DYNC2I1: variants seen among roughly 807,000 people sequenced by gnomAD.
DYNC2I1 encodes dynein 2 intermediate chain 1.
DYNC2I1 carries 89 observed loss-of-function variants against 133.4 expected under a neutral mutation model. The observed-to-expected ratio is 0.67, with a 90% confidence interval of 0.56 to 0.80. The LOEUF is 0.80. Among genes scored for constraint, DYNC2I1 ranks in the 30% least tolerant of loss-of-function variants. DYNC2I1 has a pLI of 0.00. For synonymous variants in DYNC2I1, 504 were observed against 484.3 expected, an observed-to-expected ratio of 1.04 and a Z score of -0.54; for missense variants, 1,291 against 1,314.5, an observed-to-expected ratio of 0.98 and a Z score of 0.28.
rs377386379 is a variant in DYNC2I1 at position 158,941,978 on chromosome 7, G to C, written c.2832G>C (p.Pro944=). 1.9e-6 allele frequency: 3 copies of C among 1,612,786 alleles called. No individual in the cohort carries two copies. Among genetic ancestry groups the C allele is most frequent in the Admixed American group, 3.3e-5 (2 of 59,888 alleles). ...TGCACCAGCTGAGCTCCGCGTTTCC[G>C]CTCCTGCAGTGGGACAGCAGCACGG... is the stretch of plus-strand genomic sequence containing the variant. ...IRLHQLSSAF[P]LLQWDSSTDS... is the part of the protein sequence containing the mutation. The change falls in exon 24 of 25, where the codon CCG becomes CCC. Residue 944 remains proline (P), a synonymous_variant. Coordinates refer to ENST00000407559, the MANE Select transcript of DYNC2I1 (RefSeq NM_018051.5).
chr7:158,840,274 A>G, the DYNC2I1 span, among the ~76,000 whole-genome samples: 128 of 152,242 alleles, frequency 8.4e-4, no homozygotes, highest in African/African-American at 3.0e-3. Context: ...AAATTAAGAA[A>G]AAATGGTTTT....
intron 20 of DYNC2I1, among the ~76,000 whole-genome samples, chr7:158,929,219 T>A (rs753508450): frequency 1.3e-5 from 2 of 152,218 alleles, no homozygotes; most frequent in African/African-American, 4.8e-5. Flanking sequence ...TTGGATGAGT[T>A]GCTGTTGGAG....
chr7:158,884,106 G>T (rs1356422590), intron 5 of DYNC2I1, among the ~76,000 whole-genome samples: 1 of 147,976 alleles, frequency 6.8e-6, no homozygotes, highest in African/African-American at 2.5e-5. Context: ...GTGCAGTGGC[G>T]CAATCTCTGC....
chr7:158,867,436 G>A (rs57684181), intron 1 of DYNC2I1, among the ~76,000 whole-genome samples: 2,971 of 152,308 alleles, frequency 0.02, 94 homozygotes, highest in African/African-American at 0.067. Flanking sequence ...AAGGAGCTGT[G>A]GCTGCACTGG....
intron 8 of DYNC2I1, among the ~76,000 whole-genome samples, chr7:158,895,158 C>G (rs1845646648): frequency 6.6e-6 from 1 of 152,122 alleles, no homozygotes; most frequent in Non-Finnish European, 1.5e-5. Context: ...TTTATGAAGT[C>G]CAGCTTATCA....
intron 5 of DYNC2I1, among the ~76,000 whole-genome samples, chr7:158,880,850 A>C (rs925297871): frequency 2.0e-5 from 3 of 152,114 alleles, no homozygotes; most frequent in African/African-American, 7.2e-5. Context: ...CGAAGCTAAT[A>C]TGATCTTATT....
chr7:158,844,971 T>C, the DYNC2I1 span, among the ~76,000 whole-genome samples: 1 of 150,492 alleles, frequency 6.6e-6, no homozygotes, highest in African/African-American at 2.5e-5. Context: ...TCAGCTTGTG[T>C]AAACCAAAAA....
At chr7:158,915,850 G>T (rs1848154744) in intron 14 of DYNC2I1, among the ~76,000 whole-genome samples, 1 of 149,836 alleles carries the variant, frequency 6.7e-6, no homozygotes, top group African/African-American at 2.5e-5. Context: ...CACGCTGGTT[G>T]ACATTAAGGA....
rs543908786 is a variant in DYNC2I1, at chr7:158,870,388, G to A, written c.69+480G>A. Reference sequence around the variant, plus strand: ...TTTTTTTTAGAGACAGGGTCTTACCGTTTTGCCTAGGCCGGAGTGCAGTGG... The same window carrying A: ...TTTTTTTTAGAGACAGGGTCTTACCATTTTGCCTAGGCCGGAGTGCAGTGG... On this transcript the variant is annotated intron_variant, in intron 2 of 24. Coordinates refer to ENST00000407559, the MANE Select transcript of DYNC2I1 (RefSeq NM_018051.5). Among the ~76,000 whole-genome samples, 26 of 151,880 alleles carry A rather than the reference G, an allele frequency of 1.7e-4. 2 individuals are homozygous for A. The South Asian group carries it at 2.9e-3, about 17-fold the overall frequency.
chr7:158,912,910 CATT>C (rs1585130929), intron 12 of DYNC2I1, 72 bp from the exon 13 acceptor site: 2 of 1,043,980 alleles, frequency 1.9e-6, no homozygotes, highest in Non-Finnish European at 2.8e-6. Flanking sequence ...CAGTGACTCT[CATT>C]ATTATTTCAG....
At chr7:158,939,638 T>G (rs929614605) in intron 23 of DYNC2I1, among the ~76,000 whole-genome samples, 1 of 152,172 alleles carries the variant, frequency 6.6e-6, no homozygotes, top group Non-Finnish European at 1.5e-5. Flanking sequence ...TATCACTGAA[T>G]GTAAATGGTC....
intron 11 of DYNC2I1, among the ~76,000 whole-genome samples, chr7:158,910,927 G>A (rs1295268288): frequency 1.4e-5 from 2 of 146,344 alleles, no homozygotes; most frequent in East Asian, 2.1e-4. Flanking sequence ...GGAGGAGTGC[G>A]ATTGGCTGTG....
intron 8 of DYNC2I1, among the ~76,000 whole-genome samples, chr7:158,899,282 T>C (rs1846019804): frequency 6.6e-6 from 1 of 152,196 alleles, no homozygotes; most frequent in African/African-American, 2.4e-5. Context: ...GTTGAATCCA[T>C]GGATGTGGAA....
At chr7:158,918,964 T>C in intron 15 of DYNC2I1, 95 bp downstream of exon 15, 1 of 1,316,956 alleles carries the variant, frequency 7.6e-7, no homozygotes. Context: ...TTTAATGTGA[T>C]GGGGTTTAAT....
At chr7:158,847,852 G>A in the DYNC2I1 span, among the ~76,000 whole-genome samples, 1 of 152,024 alleles carries the variant, frequency 6.6e-6, no homozygotes, top group Non-Finnish European at 1.5e-5. Flanking sequence ...GTGGGGGAAA[G>A]GCAAAAATCA....
Position 158,881,644 on chromosome 7 carries a change from G to A in DYNC2I1, c.879+1655G>A, listed in dbSNP as rs532232650. Among the ~76,000 whole-genome samples, 5 of 152,036 alleles carry A rather than the reference G, an allele frequency of 3.3e-5. No individual in the cohort carries two copies. In the South Asian group the frequency reaches 8.3e-4, roughly 25 times the overall value. ...AATTTTTTGTATATTTAGTAGAGAC[G>A]GGGTTTCACCGTGTTAGCCAGGATG... is the stretch of plus-strand genomic sequence containing the variant. On this transcript the variant is annotated intron_variant, in intron 5 of 24. Transcript: ENST00000407559.
In DYNC2I1 at chr7:158,888,809, G is replaced by T. The variant is rs768722094; in HGVS notation, c.990+1734G>T. Among the ~76,000 whole-genome samples the T allele has an allele frequency of 1.3e-5, 2 of 151,956 alleles. 1 individual carries two copies. The highest frequency in any genetic ancestry group is 2.9e-5 in the Non-Finnish European group (2 of 68,026). ...TTATGAATTGCTTTATTCTATGTCCGTACACAAACATAATTTTACATAAAT... is the reference window on the plus strand; with the variant it reads ...TTATGAATTGCTTTATTCTATGTCCTTACACAAACATAATTTTACATAAAT... On this transcript the variant is annotated intron_variant, in intron 7 of 24. Transcript: ENST00000407559.
rs148990335 is a variant in DYNC2I1, at chr7:158,912,903, T to G, written c.1591-82T>G. 104 of 971,852 alleles carry G rather than the reference T, an allele frequency of 1.1e-4. No homozygotes were observed. In the East Asian group the frequency reaches 2.7e-3, roughly 25 times the overall value. 60.2% of individuals were successfully genotyped at this position (971,852 alleles called of 1,614,324 possible). ...GCTTTGATACTTACTTTTGACACAG[T>G]GACTCTCATTATTATTTCAGTAATG... On this transcript the variant is annotated intron_variant, in intron 12 of 24. Transcript: ENST00000407559.
At chr7:158,924,437 A>G (rs111476209) in intron 17 of DYNC2I1, among the ~76,000 whole-genome samples, 1 of 152,086 alleles carries the variant, frequency 6.6e-6, no homozygotes, top group African/African-American at 2.4e-5. Context: ...TGGCTTTATT[A>G]TCATAGATAT....
Sources: gnomAD v4.1 joint callset for allele counts (sites outside exome capture counted in the v4.1 genomes callset) on GRCh38, gnomAD v4.1.1 for gene constraint, MANE v1.5 for transcripts, NCBI Gene and HGNC (gene_info 2026-07-23, HGNC 2026-07-21) for gene names.